TNFRSF10B: variants seen among roughly 807,000 people sequenced by gnomAD.
The protein encoded by TNFRSF10B is tumor necrosis factor receptor superfamily member 10B.
TNFRSF10B carries 35 observed loss-of-function variants against 41.4 expected under a neutral mutation model. The ratio of observed to expected loss-of-function variants is 0.85; its 90% CI spans 0.65 to 1.12. The LOEUF (loss-of-function observed/expected upper bound fraction) is 1.12. Among genes scored for constraint, TNFRSF10B ranks in the 50% most tolerant of loss-of-function variants. The probability of loss-of-function intolerance (pLI) is 0.00; values close to 1 mark genes in which losing one functional copy is unlikely to be tolerated. For missense variants in TNFRSF10B, 584 were observed against 552.7 expected (o/e 1.06, Z -0.57); for synonymous variants, 230 against 215.5 (o/e 1.07, Z -0.59).
chr8:23,032,542 G>T (rs1293846563), intron 2 of TNFRSF10B, among the ~76,000 whole-genome samples: 3 of 152,104 alleles, frequency 2.0e-5, no homozygotes, highest in African/African-American at 7.2e-5. Flanking sequence ...TTGAATATAA[G>T]TTCTTCCATT....
chr8:23,024,380 A>G, intron 7 of TNFRSF10B, 120 bp from the exon 8 acceptor site: 1 of 1,100,708 alleles, frequency 9.1e-7, no homozygotes, highest in Non-Finnish European at 1.4e-6. Context: ...ATTGTTCTGA[A>G]AGGTCTGGCA....
intron 7 of TNFRSF10B, among the ~76,000 whole-genome samples, chr8:23,025,562 GA>G (rs1811677336): frequency 6.6e-6 from 1 of 152,176 alleles, no homozygotes; most frequent in Non-Finnish European, 1.5e-5. Flanking sequence ...TGTTGTACAT[GA>G]TATAATCCTT....
chr8:23,040,300 TAATATATATTTAATAAATATATATAC>T (rs1812142471), intron 2 of TNFRSF10B, among the ~76,000 whole-genome samples: 1 of 32,940 alleles, frequency 3.0e-5, no homozygotes, highest in African/African-American at 5.4e-5. Context: ...TAAATATATA[TAATATATATTTAATAAATATATATAC>T]AAAATATATA....
chr8:23,068,921 C>A lies in TNFRSF10B; in HGVS notation c.-27G>T. The A allele has an allele frequency of 6.2e-7, 1 of 1,613,204 alleles. No individual in the cohort carries two copies. The highest frequency in any genetic ancestry group is 2.2e-5 in the East Asian group (1 of 44,882). Reference sequence around the variant, plus strand: ...GCGGTAGGGAACGCTCTTATAGTCTCTCAGGCCCGTGGGTTTCAGCCCTTA... The same window carrying A: ...GCGGTAGGGAACGCTCTTATAGTCTATCAGGCCCGTGGGTTTCAGCCCTTA... On this transcript the variant is annotated 5_prime_UTR_variant, in exon 1 of 9. Coordinates refer to ENST00000276431, the MANE Select transcript of TNFRSF10B (RefSeq NM_003842.5).
rs1227061987 is a variant in TNFRSF10B, at chr8:23,043,210, CTTG to C, written c.175_177del (p.Gln59del). ...GCCGCTCTCTGCTGGGGAGCTAGGT[CTTG>C]TTGGGTGATCAGAGCAGACTCAGCT... On this transcript the variant is annotated inframe_deletion, in exon 2 of 9. Coordinates refer to ENST00000276431, the MANE Select transcript of TNFRSF10B (RefSeq NM_003842.5). 6.2e-7 allele frequency: 1 copy of C among 1,614,022 alleles called. No individual in the cohort carries two copies. Among genetic ancestry groups the C allele is most frequent in the Non-Finnish European group, 8.5e-7 (1 of 1,180,036 alleles).
intron 1 of TNFRSF10B, among the ~76,000 whole-genome samples, chr8:23,056,564 T>A (rs1425862743): frequency 6.6e-6 from 1 of 150,868 alleles, no homozygotes; most frequent in Non-Finnish European, 1.5e-5. Context: ...GGCAGGAGGA[T>A]CCCTTGAACC....
intron 1 of TNFRSF10B, among the ~76,000 whole-genome samples, chr8:23,064,235 G>C (rs541889512): frequency 1.3e-5 from 2 of 152,246 alleles, no homozygotes; most frequent in East Asian, 1.9e-4. Flanking sequence ...AGAGGAAAGA[G>C]TGCACACAGA....
intron 2 of TNFRSF10B, among the ~76,000 whole-genome samples, chr8:23,040,381 A>G (rs1585215053): frequency 1.4e-5 from 1 of 73,584 alleles, no homozygotes; most frequent in African/African-American, 3.8e-5. Context: ...ATATATATAC[A>G]AAATATATAT....
intron 7 of TNFRSF10B, among the ~76,000 whole-genome samples, chr8:23,026,315 G>GA (rs1361720139): frequency 6.6e-6 from 1 of 151,598 alleles, no homozygotes; most frequent in Non-Finnish European, 1.5e-5. Flanking sequence ...GAGGAAGAGA[G>GA]AAAAAAGTAA....
chr8:23,027,895 A>C, intron 5 of TNFRSF10B, 142 bp from the exon 6 acceptor site: 1 of 942,504 alleles, frequency 1.1e-6, no homozygotes, highest in East Asian at 2.6e-5. Flanking sequence ...ATGGGGCCTT[A>C]CAACTCAGAG....
rs200014104 is a variant in TNFRSF10B at position 23,030,836 on chromosome 8, G to A, written c.287C>T (p.Ser96Phe). ...GCTATAGTCCTGTCCATATTTGCAG[G>A]AGATGCAATCTCTACCGTCTTCTGA... ...HISEDGRDCI[S>F]CKYGQDYSTH... Residue 96 changes from serine to phenylalanine, a missense_variant, in exon 3 of 9, where the codon TCC becomes TTC. By Grantham distance (155) the Ser-to-Phe change is radical. Coordinates refer to ENST00000276431, the MANE Select transcript of TNFRSF10B (RefSeq NM_003842.5). 1.2e-6 allele frequency: 2 copies of A among 1,612,774 alleles called. No homozygotes were observed. Among genetic ancestry groups the A allele is most frequent in the Non-Finnish European group, 1.7e-6 (2 of 1,179,534 alleles).
At chr8:23,061,407 AATATT>A (rs1442253902) in intron 1 of TNFRSF10B, among the ~76,000 whole-genome samples, 23 of 152,186 alleles carry the variant, frequency 1.5e-4, no homozygotes, top group Admixed American at 1.2e-3. Context: ...TTAAAAATTT[AATATT>A]ATTTTATTTT....
intron 2 of TNFRSF10B, among the ~76,000 whole-genome samples, chr8:23,040,758 T>C (rs1178953838): frequency 1.3e-5 from 2 of 152,056 alleles, no homozygotes; most frequent in African/African-American, 2.4e-5. Context: ...TAATCACCTA[T>C]ATGCTAGCCA....
rs573089985 is a variant in TNFRSF10B at position 23,048,947 on chromosome 8, G to T, written c.145-5704C>A. 2.0e-5 allele frequency among the ~76,000 whole-genome samples: 3 copies of T among 152,166 alleles called. 1 individual carries two copies. Among genetic ancestry groups the T allele is most frequent in the African/African-American group, 7.2e-5 (3 of 41,522 alleles). On this transcript the variant is annotated intron_variant, in intron 1 of 8. Coordinates refer to ENST00000276431, the MANE Select transcript of TNFRSF10B (RefSeq NM_003842.5). ...AAAAATTTTTAAAAAATTTTAAAAA[G>T]GGCAAAGGACTTGAAAGACATTTCT... is the stretch of plus-strand genomic sequence containing the variant.
Position 23,021,471 on chromosome 8 carries a change from G to A in TNFRSF10B, c.*1200C>T, listed in dbSNP as rs1015095624. On this transcript the variant is annotated 3_prime_UTR_variant, in exon 9 of 9. Coordinates refer to ENST00000276431, the MANE Select transcript of TNFRSF10B (RefSeq NM_003842.5). ...TCCCCCTTGATGCCATGGCAGACGT[G>A]GGAGACAGATTTTGTCTTCTATCTC... The A allele has an allele frequency of 4.4e-6, 2 of 453,956 alleles. No individual in the cohort carries two copies. The highest frequency in any genetic ancestry group is 2.0e-5 in the African/African-American group (1 of 49,972). The allele number at this position is 453,956 out of a possible 1,614,324, so 28.1% of individuals were successfully genotyped here. A position where few individuals can be genotyped will look rare whatever the true frequency, so the allele number is the denominator to read the frequency against.
At position 23,020,599 on chromosome 8, in the gene TNFRSF10B, C is replaced by A. The variant is rs1388994083; in HGVS notation, c.*2072G>T. The A allele has an allele frequency of 2.2e-6, 1 of 448,986 alleles. No homozygotes were observed. The highest frequency in any genetic ancestry group is 7.0e-5 in the East Asian group (1 of 14,316). The allele number at this position is 448,986 out of a possible 1,614,324, so 27.8% of individuals were successfully genotyped here. On this transcript the variant is annotated 3_prime_UTR_variant, in exon 9 of 9. Transcript: ENST00000276431. ...CCCAGCTACTCCGGAGGCTGAGGCACGAGAATCGCTTGAACCCAGGAGGCG... is the reference window on the plus strand; with the variant it reads ...CCCAGCTACTCCGGAGGCTGAGGCAAGAGAATCGCTTGAACCCAGGAGGCG...
At chr8:23,038,146 T>C (rs570050220) in intron 2 of TNFRSF10B, among the ~76,000 whole-genome samples, 103 of 152,308 alleles carry the variant, frequency 6.8e-4, no homozygotes, top group African/African-American at 2.3e-3. Context: ...TATTCCACAA[T>C]GGACGTAAGG....
chr8:23,042,696 C>A (rs376041996), intron 2 of TNFRSF10B, among the ~76,000 whole-genome samples: 5 of 152,290 alleles, frequency 3.3e-5, no homozygotes, highest in African/African-American at 1.2e-4. Flanking sequence ...TGGGATCTGA[C>A]CCCACGTGTC....
chr8:23,023,577 C>T (rs1811609463), intron 8 of TNFRSF10B, among the ~76,000 whole-genome samples: 1 of 152,154 alleles, frequency 6.6e-6, no homozygotes, highest in South Asian at 2.1e-4. Flanking sequence ...GTGTGTGCAA[C>T]ATGATGCACC....
Sources: allele counts gnomAD v4.1 joint callset (sites outside exome capture counted in the v4.1 genomes callset), GRCh38; gene constraint gnomAD v4.1.1; transcripts MANE v1.5; gene names NCBI Gene and HGNC (gene_info 2026-07-23, HGNC 2026-07-21).